Variants in AAK1 observed in about 807,000 individuals in gnomAD.
AAK1 encodes the protein AP2-associated protein kinase 1.
In AAK1, 37 loss-of-function variants were observed where a neutral mutation model predicts 116.0. The ratio of observed to expected loss-of-function variants is 0.32; its 90% confidence interval spans 0.25 to 0.42. The LOEUF (loss-of-function observed/expected upper bound fraction) is 0.42. Ranked by LOEUF, AAK1 falls within the 10% of genes least tolerant of loss-of-function variation. The pLI is 1.00. For missense variants in AAK1, 919 were observed against 1,170.6 expected (o/e 0.79, Z 3.14); for synonymous variants, 458 against 439.9 (o/e 1.04, Z -0.51).
At chr2:69,495,033 A>C (rs1572894294) in intron 17 of AAK1, among the ~76,000 whole-genome samples, 1 of 152,174 alleles carries the variant, frequency 6.6e-6, no homozygotes, top group African/African-American at 2.4e-5. Context: ...GAGAAAAAAA[A>C]CCAAGCCAGT....
chr2:69,569,039 C>G (rs1016363049), intron 2 of AAK1, among the ~76,000 whole-genome samples: 1 of 152,176 alleles, frequency 6.6e-6, no homozygotes, highest in Non-Finnish European at 1.5e-5. Context: ...TGCCCCTTAG[C>G]TCAGGCCTTC....
In AAK1 at chr2:69,460,598, T is replaced by A. The variant is rs1433928296; in HGVS notation, c.*15271A>T. The A allele has an allele frequency of 1.3e-5, 2 of 152,194 alleles. No individual in the cohort carries two copies. Among genetic ancestry groups the A allele is most frequent in the Non-Finnish European group, 2.9e-5 (2 of 68,034 alleles). The allele number at this position is 152,194 out of a possible 1,614,324, so 9.4% of individuals were successfully genotyped here. A position where few individuals can be genotyped will look rare whatever the true frequency, so the allele number is the denominator to read the frequency against. Reference sequence around the variant, plus strand: ...AGAAAACTCAGATACAACATGAGCCTCTAAACACATACACTCTAGTCTACA... The same window carrying A: ...AGAAAACTCAGATACAACATGAGCCACTAAACACATACACTCTAGTCTACA... On this transcript the variant is annotated 3_prime_UTR_variant, in exon 22 of 22. Transcript: ENST00000409085.
At chr2:69,492,515 A>ATTATTTT (rs1231383010) in intron 17 of AAK1, among the ~76,000 whole-genome samples, 1 of 78,834 alleles carries the variant, frequency 1.3e-5, no homozygotes, top group African/African-American at 5.9e-5. Context: ...TGCCTGGCCA[A>ATTATTTT]TTCTTTTTTT....
intron 2 of AAK1, among the ~76,000 whole-genome samples, chr2:69,631,182 T>C (rs185180293): frequency 6.2e-4 from 94 of 152,312 alleles, no homozygotes; most frequent in African/African-American, 2.2e-3. Context: ...CCTGTCCCCA[T>C]AGGTAATAAA....
At chr2:69,535,437 T>C (rs1174738470) in intron 5 of AAK1, among the ~76,000 whole-genome samples, 1 of 152,180 alleles carries the variant, frequency 6.6e-6, no homozygotes. Flanking sequence ...GGGATAAGGC[T>C]GTGAACACAA....
intron 2 of AAK1, among the ~76,000 whole-genome samples, chr2:69,626,259 C>A (rs900595881): frequency 6.6e-6 from 1 of 151,504 alleles, no homozygotes; most frequent in Non-Finnish European, 1.5e-5. Flanking sequence ...AAAAATAATA[C>A]AATTATTATT....
At chr2:69,548,726 T>A (rs527797600) in intron 3 of AAK1, among the ~76,000 whole-genome samples, 16 of 152,194 alleles carry the variant, frequency 1.1e-4, no homozygotes, top group African/African-American at 3.9e-4. Context: ...TGCCTCAGCC[T>A]CCCAAGTAGC....
Position 69,470,133 on chromosome 2 carries a change from A to C in AAK1, c.*5736T>G. On this transcript the variant is annotated 3_prime_UTR_variant, in exon 22 of 22. Coordinates refer to ENST00000409085, the MANE Select transcript of AAK1 (RefSeq NM_014911.5). Reference sequence around the variant, plus strand: ...TGTCAGGCTGGATATTCCTTAATGAAATACATCACACAACACCAGAAGTTT... The same window carrying C: ...TGTCAGGCTGGATATTCCTTAATGACATACATCACACAACACCAGAAGTTT... The C allele has an allele frequency of 1.0e-6, 1 of 985,464 alleles. No homozygotes were observed. The highest frequency in any genetic ancestry group is 1.2e-6 in the Non-Finnish European group (1 of 829,942). 61.0% of individuals were successfully genotyped at this position (985,464 alleles called of 1,614,324 possible). A position where few individuals can be genotyped will look rare whatever the true frequency, so the allele number is the denominator to read the frequency against.
At position 69,470,088 on chromosome 2, in the gene AAK1, T is replaced by A; in HGVS notation, c.*5781A>T. Reference sequence around the variant, plus strand: ...GGCCATCAGAATGCTCCCTACAGAATTAAAATCTGAAGACTTAAATGTCAG... The same window carrying A: ...GGCCATCAGAATGCTCCCTACAGAAATAAAATCTGAAGACTTAAATGTCAG... On this transcript the variant is annotated 3_prime_UTR_variant, in exon 22 of 22. Coordinates refer to ENST00000409085, the MANE Select transcript of AAK1 (RefSeq NM_014911.5). The A allele has an allele frequency of 9.1e-6, 9 of 985,408 alleles. No homozygotes were observed. The highest frequency in any genetic ancestry group is 1.1e-5 in the Non-Finnish European group (9 of 829,930). 61.0% of individuals were successfully genotyped at this position (985,408 alleles called of 1,614,324 possible). A position where few individuals can be genotyped will look rare whatever the true frequency, so the allele number is the denominator to read the frequency against.
intron 2 of AAK1, among the ~76,000 whole-genome samples, chr2:69,581,654 A>G (rs2105144198): frequency 6.6e-6 from 1 of 152,284 alleles, no homozygotes; most frequent in African/African-American, 2.4e-5. Flanking sequence ...TTGAAAATTG[A>G]CGCAAAACAC....
chr2:69,539,771 C>T (rs1459243809), intron 5 of AAK1, among the ~76,000 whole-genome samples: 2 of 152,172 alleles, frequency 1.3e-5, no homozygotes, highest in African/African-American at 2.4e-5. Context: ...TGGCTCTACT[C>T]TCTACCCAGA....
intron 2 of AAK1, among the ~76,000 whole-genome samples, chr2:69,587,072 TTTTC>T (rs918890354): frequency 1.3e-5 from 2 of 152,044 alleles, no homozygotes; most frequent in African/African-American, 4.8e-5. Flanking sequence ...GCCTCATTTC[TTTTC>T]TTTAAAAAAA....
intron 3 of AAK1, among the ~76,000 whole-genome samples, chr2:69,546,029 G>A (rs1670910736): frequency 6.6e-6 from 1 of 151,982 alleles, no homozygotes; most frequent in South Asian, 2.1e-4. Flanking sequence ...GATGATAATT[G>A]ACGGAAAAAG....
intron 2 of AAK1, among the ~76,000 whole-genome samples, chr2:69,637,558 TCA>T (rs1421217018): frequency 1.1e-4 from 16 of 152,310 alleles, no homozygotes; most frequent in African/African-American, 3.8e-4. Context: ...CTCTGCTAGC[TCA>T]CAGTGCTAGA....
chr2:69,556,930 C>G lies in AAK1; in HGVS notation c.212G>C (p.Cys71Ser), dbSNP rs966123440. 3 of 1,613,862 alleles carry G rather than the reference C, an allele frequency of 1.9e-6. No homozygotes were observed. Among genetic ancestry groups the G allele is most frequent in the Admixed American group, 1.7e-5 (1 of 60,000 alleles). ...FLVRTSNGMK[C>S]ALKRMFVNNE... ...GTTGACAAACATGCGTTTCAAGGCACATTTCATCCCATTGCTTGTCCTCAC... is the reference window on the plus strand; with the variant it reads ...GTTGACAAACATGCGTTTCAAGGCAGATTTCATCCCATTGCTTGTCCTCAC... Residue 71 changes from cysteine (C) to serine (S), a missense_variant, in exon 3 of 22, where the codon TGT becomes TCT. Cys to Ser is a moderately radical substitution (Grantham distance 112). Transcript: ENST00000409085.
rs568612276 is a variant in AAK1, at chr2:69,498,401, G to A, written c.2270-2321C>T. ...TCTCCAGTTCTGCCTCTGGCATGAG[G>A]AGGATGCTCTGGGGTCTACTGGGCA... On this transcript the variant is annotated intron_variant, in intron 16 of 21. Transcript: ENST00000409085. Among the ~76,000 whole-genome samples, 3 of 152,038 alleles carry A rather than the reference G, an allele frequency of 2.0e-5. No individual in the cohort carries two copies. The East Asian group carries it at 5.8e-4, about 30-fold the overall frequency.
Position 69,519,065 on chromosome 2 carries a change from C to G in AAK1, c.1386G>C (p.Gln462His). 6.4e-7 allele frequency: 1 copy of G among 1,551,244 alleles called. No individual in the cohort carries two copies. The highest frequency in any genetic ancestry group is 8.7e-7 in the Non-Finnish European group (1 of 1,146,830). ...GCTTGAGGAAGAGTTGCTGCTGGTG[C>G]TGGGGTGTGGCCTGGGCCTGAGCGG... ...GLPAQAQATPQHQQQLFLKQQ... is the reference protein window; with the variant it reads ...GLPAQAQATPHHQQQLFLKQQ... Residue 462 changes from glutamine to histidine, a missense_variant, in exon 12 of 22, where the codon CAG (glutamine) becomes CAC (histidine). By Grantham distance (24) the Gln-to-His change is conservative. Coordinates refer to ENST00000409085, the MANE Select transcript of AAK1 (RefSeq NM_014911.5).
At chr2:69,564,713 C>T (rs1330145027) in intron 2 of AAK1, among the ~76,000 whole-genome samples, 1 of 152,156 alleles carries the variant, frequency 6.6e-6, no homozygotes. Context: ...CTCTTACCTG[C>T]CAAGGGCTTT....
chr2:69,500,698 T>TATGTATACAC, intron 16 of AAK1, among the ~76,000 whole-genome samples: 1 of 65,102 alleles, frequency 1.5e-5, no homozygotes, highest in Non-Finnish European at 2.6e-5. Context: ...TATATATATA[T>TATGTATACAC]ACACACACAC....
Sources: gnomAD v4.1 joint callset for allele counts (sites outside exome capture counted in the v4.1 genomes callset) on GRCh38, gnomAD v4.1.1 for gene constraint, MANE v1.5 for transcripts, NCBI Gene and HGNC (gene_info 2026-07-23, HGNC 2026-07-21) for gene names.